The following RXFP1 variants were observed in gnomAD, a reference collection of about 807,000 sequenced individuals.
RXFP1 encodes the protein relaxin receptor 1.
Under a neutral mutation model 89.8 loss-of-function variants are expected in RXFP1, and 73 were observed. The ratio of observed to expected loss-of-function variants is 0.81; its 90% CI spans 0.67 to 0.99. The LOEUF (loss-of-function observed/expected upper bound fraction) is 0.99. RXFP1 is among the 50% of genes least tolerant of loss of function. RXFP1 has a pLI of 0.00. For missense variants in RXFP1, 793 were observed against 895.5 expected, an observed-to-expected ratio of 0.89 and a Z score of 1.46; for synonymous variants, 277 against 305.5, an observed-to-expected ratio of 0.91 and a Z score of 0.97.
chr4:158,609,071 G>A (rs113571839), intron 6 of RXFP1, among the ~76,000 whole-genome samples: 5,460 of 152,218 alleles, frequency 0.036, 304 homozygotes, highest in African/African-American at 0.12. Flanking sequence ...CCTTTTGGCT[G>A]TTGTGAATAA....
At chr4:158,524,255 C>G (rs530749884) in intron 1 of RXFP1, among the ~76,000 whole-genome samples, 25 of 152,320 alleles carry the variant, frequency 1.6e-4, no homozygotes, top group Middle Eastern at 3.4e-3. Context: ...CGTGCTCTCT[C>G]CCCTAGACCA....
rs1205456257 is a variant in RXFP1, at chr4:158,562,502, C to T, written c.50-10196C>T. Among the ~76,000 whole-genome samples the T allele has an allele frequency of 9.1e-5, 9 of 98,944 alleles. No homozygotes were observed. In the East Asian group the frequency reaches 3.0e-3, roughly 33 times the overall value. 64.9% of individuals were successfully genotyped at this position (98,944 alleles called of 152,430 possible). On this transcript the variant is annotated intron_variant, in intron 1 of 17. Transcript: ENST00000307765. ...TCCCGCCACTGCACTCCAGCCTGGG[C>T]GACAGAGCGAGACTCCGTCTCAAAA... is the stretch of plus-strand genomic sequence containing the variant.
intron 1 of RXFP1, among the ~76,000 whole-genome samples, chr4:158,569,846 C>G (rs1354119937): frequency 2.0e-5 from 3 of 152,078 alleles, no homozygotes. Context: ...GCATTCGAAA[C>G]AATTGGACAA....
intron 2 of RXFP1, among the ~76,000 whole-genome samples, chr4:158,592,556 G>A (rs898870738): frequency 5.9e-5 from 9 of 152,006 alleles, no homozygotes; most frequent in Non-Finnish European, 7.4e-5. Context: ...CCTGGGCTAC[G>A]GGAGCAAAAC....
chr4:158,545,050 T>G (rs1747899274), intron 1 of RXFP1, among the ~76,000 whole-genome samples: 1 of 151,508 alleles, frequency 6.6e-6, no homozygotes, highest in Non-Finnish European at 1.5e-5. Flanking sequence ...TTGAACTAGT[T>G]TACAGTCCCA....
chr4:158,646,251 A>G, intron 15 of RXFP1: 1 of 422,586 alleles, frequency 2.4e-6, no homozygotes, highest in Non-Finnish European at 4.7e-6. Flanking sequence ...GCCCCTTAAA[A>G]TTGTACTGAC....
chr4:158,588,543 G>C (rs189234954), intron 2 of RXFP1, among the ~76,000 whole-genome samples: 1 of 152,182 alleles, frequency 6.6e-6, no homozygotes, highest in African/African-American at 2.4e-5. Context: ...AAGGCTGGTA[G>C]TACCTGAAAT....
chr4:158,582,519 A>C (rs980352421), intron 2 of RXFP1, among the ~76,000 whole-genome samples: 7 of 152,086 alleles, frequency 4.6e-5, no homozygotes, highest in African/African-American at 1.4e-4. Flanking sequence ...AGGCTCTTTC[A>C]CATCCAGTGC....
At chr4:158,637,573 T>G (rs543328820) in intron 12 of RXFP1, among the ~76,000 whole-genome samples, 1 of 152,320 alleles carries the variant, frequency 6.6e-6, no homozygotes, top group Admixed American at 6.5e-5. Flanking sequence ...TCCCTAATTT[T>G]TAACCAGCTT....
Position 158,614,237 on chromosome 4 carries a change from G to A in RXFP1, c.680+1875G>A, listed in dbSNP as rs556210694. Reference sequence around the variant, plus strand: ...ATTTTTGGAACAGTAAATGAGCGTTGACTTCCACTTAAAGTCACCAGCTGC... The same window carrying A: ...ATTTTTGGAACAGTAAATGAGCGTTAACTTCCACTTAAAGTCACCAGCTGC... On this transcript the variant is annotated intron_variant, in intron 8 of 17. Transcript: ENST00000307765. 2.1e-4 allele frequency among the ~76,000 whole-genome samples: 32 copies of A among 152,274 alleles called. 1 individual carries two copies. The South Asian group carries it at 6.6e-3, about 32-fold the overall frequency.
At chr4:158,544,958 T>TAC in intron 1 of RXFP1, among the ~76,000 whole-genome samples, 1 of 152,044 alleles carries the variant, frequency 6.6e-6, no homozygotes, top group African/African-American at 2.4e-5. Flanking sequence ...TTTGGGTATA[T>TAC]ACCCAGTAAT....
intron 4 of RXFP1, among the ~76,000 whole-genome samples, chr4:158,600,731 G>A (rs1004766925): frequency 6.6e-6 from 1 of 151,956 alleles, no homozygotes; most frequent in Admixed American, 6.6e-5. Flanking sequence ...GGAGGCTGAG[G>A]CAAGGGGATC....
intron 1 of RXFP1, among the ~76,000 whole-genome samples, chr4:158,548,296 T>G (rs983445607): frequency 6.6e-6 from 1 of 152,234 alleles, no homozygotes; most frequent in African/African-American, 2.4e-5. Context: ...TGGTTTCCAT[T>G]TGCTTGGTAG....
chr4:158,561,626 C>CTA (rs1269343735), intron 1 of RXFP1, among the ~76,000 whole-genome samples: 1 of 112,620 alleles, frequency 8.9e-6, no homozygotes, highest in African/African-American at 3.3e-5. Context: ...TTCTTTTTTT[C>CTA]TTTTTTTTTT....
chr4:158,594,954 T>G (rs552008538), intron 3 of RXFP1, among the ~76,000 whole-genome samples: 1 of 152,186 alleles, frequency 6.6e-6, no homozygotes, highest in Admixed American at 6.6e-5. Context: ...AATGCTTAGG[T>G]GGTTATTTTA....
intron 1 of RXFP1, among the ~76,000 whole-genome samples, chr4:158,562,550 A>AAAAAAAAAAAC (rs1752708587): frequency 1.3e-5 from 2 of 148,244 alleles, no homozygotes; most frequent in Non-Finnish European, 3.0e-5. Flanking sequence ...AAAAAAAAAA[A>AAAAAAAAAAAC]ATACACATAT....
intron 1 of RXFP1, among the ~76,000 whole-genome samples, chr4:158,533,842 C>T (rs1470614110): frequency 6.6e-6 from 1 of 152,126 alleles, no homozygotes; most frequent in African/African-American, 2.4e-5. Flanking sequence ...TCTCTTTTCC[C>T]TACACTTTTC....
At chr4:158,617,466 A>C (rs887596456) in intron 9 of RXFP1, among the ~76,000 whole-genome samples, 1 of 151,388 alleles carries the variant, frequency 6.6e-6, no homozygotes, top group Non-Finnish European at 1.5e-5. Context: ...AGGAAGAAGA[A>C]ACACAGAAGG....
At chr4:158,604,533 A>G (rs978537382) in intron 4 of RXFP1, among the ~76,000 whole-genome samples, 3 of 152,196 alleles carry the variant, frequency 2.0e-5, no homozygotes, top group Non-Finnish European at 4.4e-5. Context: ...TTAAATTGTG[A>G]TACAAAAGAA....
Sources: gnomAD v4.1 joint callset for allele counts (sites outside exome capture counted in the v4.1 genomes callset) on GRCh38, gnomAD v4.1.1 for gene constraint, MANE v1.5 for transcripts, NCBI Gene and HGNC (gene_info 2026-07-23, HGNC 2026-07-21) for gene names.